Variants in TXNDC12 observed in about 807,000 individuals in gnomAD.
TXNDC12 encodes the protein thioredoxin domain containing 12.
In TXNDC12, 22 loss-of-function variants were observed where a neutral mutation model predicts 24.2. The observed-to-expected ratio is 0.91, with a 90% CI of 0.65 to 1.30. The LOEUF is 1.30. Ranked by LOEUF, TXNDC12 falls within the 50% of genes most tolerant of loss-of-function variation. The probability of loss-of-function intolerance (pLI) is 0.00; values close to 1 mark genes in which losing one functional copy is unlikely to be tolerated. For synonymous variants in TXNDC12, 58 were observed against 73.4 expected (o/e 0.79, Z 1.07); for missense variants, 184 against 205.8 (o/e 0.89, Z 0.65).
chr1:52,055,150 G>C lies in TXNDC12; in HGVS notation c.-54C>G. ...GAGCGGACGCAGGGCCGGAGTCCCA[G>C]CAGACGGTCCACACAGTTCGCCGAG... On this transcript the variant is annotated 5_prime_UTR_variant, in exon 1 of 7. Transcript: ENST00000371626. 7.7e-7 allele frequency: 1 copy of C among 1,292,912 alleles called. No individual in the cohort carries two copies. The highest frequency in any genetic ancestry group is 1.1e-6 in the Non-Finnish European group (1 of 889,706). 80.1% of individuals were successfully genotyped at this position (1,292,912 alleles called of 1,614,324 possible). A position where few individuals can be genotyped will look rare whatever the true frequency, so the allele number is the denominator to read the frequency against.
intron 1 of TXNDC12, among the ~76,000 whole-genome samples, chr1:52,045,207 T>C (rs1475295151): frequency 2.0e-5 from 3 of 152,058 alleles, no homozygotes; most frequent in Non-Finnish European, 1.5e-5. Context: ...AAAAGCAAAA[T>C]TATGGAGATA....
chr1:52,030,653 C>G (rs1685738013), intron 2 of TXNDC12: 1 of 152,206 alleles, frequency 6.6e-6, no homozygotes, highest in Admixed American at 6.5e-5. Flanking sequence ...TCCATAGTTT[C>G]AGAGCATGCA....
At chr1:52,028,143 A>G (rs1357145982) in intron 3 of TXNDC12, among the ~76,000 whole-genome samples, 1 of 150,680 alleles carries the variant, frequency 6.6e-6, no homozygotes. Context: ...TATTTTTTAC[A>G]CTCCTTTTCC....
intron 1 of TXNDC12, among the ~76,000 whole-genome samples, chr1:52,046,866 A>ATATATATATATAT (rs1553236788): frequency 9.9e-5 from 3 of 30,172 alleles, no homozygotes; most frequent in African/African-American, 1.6e-4. Context: ...AAAAAAAAAA[A>ATATATATATATAT]ATATATATAT....
intron 2 of TXNDC12, among the ~76,000 whole-genome samples, chr1:52,030,915 A>G (rs935209410): frequency 6.6e-6 from 1 of 152,244 alleles, no homozygotes; most frequent in African/African-American, 2.4e-5. Flanking sequence ...ATTAAAATAC[A>G]TTCATGCTTA....
At chr1:52,048,441 G>A (rs538973149) in intron 1 of TXNDC12, among the ~76,000 whole-genome samples, 15 of 150,786 alleles carry the variant, frequency 9.9e-5, no homozygotes, top group East Asian at 1.9e-4. Context: ...ACTCTAGCTC[G>A]GGCAACAGAG....
intron 2 of TXNDC12, among the ~76,000 whole-genome samples, chr1:52,039,419 C>T (rs1685945891): frequency 6.6e-6 from 1 of 151,992 alleles, no homozygotes; most frequent in African/African-American, 2.4e-5. Context: ...ACTCCGTCTC[C>T]CAGGTTCAAG....
At chr1:52,029,544 C>G (rs1685721888) in intron 2 of TXNDC12, among the ~76,000 whole-genome samples, 1 of 152,182 alleles carries the variant, frequency 6.6e-6, no homozygotes, top group Non-Finnish European at 1.5e-5. Context: ...AACCCCATGT[C>G]ACCATAACAA....
intron 1 of TXNDC12, among the ~76,000 whole-genome samples, chr1:52,051,163 T>C (rs900089149): frequency 6.6e-6 from 1 of 152,218 alleles, no homozygotes. Context: ...AAATGTACAG[T>C]AAATATTGGT....
chr1:52,031,423 G>A (rs948012300), intron 2 of TXNDC12, among the ~76,000 whole-genome samples: 2 of 152,082 alleles, frequency 1.3e-5, no homozygotes, highest in Admixed American at 6.6e-5. Context: ...CTCCTGAAGT[G>A]CTGGGGTTAC....
intron 6 of TXNDC12, among the ~76,000 whole-genome samples, chr1:52,021,765 GTCTATGAA>G (rs1434565848): frequency 1.3e-5 from 2 of 152,158 alleles, no homozygotes; most frequent in Admixed American, 1.3e-4. Flanking sequence ...TTGAGCCAGA[GTCTATGAA>G]TCTTGCAAAG....
At chr1:52,050,179 G>A (rs1572012402) in intron 1 of TXNDC12, among the ~76,000 whole-genome samples, 1 of 152,092 alleles carries the variant, frequency 6.6e-6, no homozygotes, top group South Asian at 2.1e-4. Context: ...AAAGCAGAAT[G>A]GGAACACCAA....
chr1:52,038,368 G>A (rs1685923037), intron 2 of TXNDC12, among the ~76,000 whole-genome samples: 1 of 150,966 alleles, frequency 6.6e-6, no homozygotes, highest in Non-Finnish European at 1.5e-5. Context: ...CTGGAGTGCA[G>A]TGGGGGGATC....
intron 1 of TXNDC12, among the ~76,000 whole-genome samples, chr1:52,042,987 T>C (rs1485061034): frequency 1.3e-5 from 2 of 152,170 alleles, no homozygotes; most frequent in South Asian, 2.1e-4. Context: ...CTCGAACTCC[T>C]GAGCTCAGGT....
chr1:52,036,448 A>G (rs1685884494), intron 2 of TXNDC12, among the ~76,000 whole-genome samples: 1 of 152,186 alleles, frequency 6.6e-6, no homozygotes, highest in Admixed American at 6.5e-5. Context: ...TAGGCTGAGG[A>G]GGAGGAGGAA....
chr1:52,033,417 C>A (rs1490439117), intron 2 of TXNDC12: 1 of 1,451,218 alleles, frequency 6.9e-7, no homozygotes, highest in Non-Finnish European at 9.4e-7. Flanking sequence ...CCTGAGGTCC[C>A]GCGATCGGGC....
chr1:52,041,485 A>G, intron 2 of TXNDC12, 52 bp downstream of exon 2: 7 of 1,317,762 alleles, frequency 5.3e-6, no homozygotes, highest in Non-Finnish European at 7.6e-6. Flanking sequence ...CGTTAAGTTG[A>G]TAGCTGAAAA....
At chr1:52,054,658 C>A (rs1038892301) in intron 1 of TXNDC12, among the ~76,000 whole-genome samples, 3 of 152,130 alleles carry the variant, frequency 2.0e-5, no homozygotes, top group Non-Finnish European at 2.9e-5. Flanking sequence ...AGGTCCCCAA[C>A]GGCTCTATTT....
chr1:52,048,868 A>G (rs1388334202), intron 1 of TXNDC12, among the ~76,000 whole-genome samples: 2 of 148,562 alleles, frequency 1.3e-5, no homozygotes, highest in African/African-American at 4.9e-5. Flanking sequence ...AAAAAATAAT[A>G]ATTAATTAAT....
Sources: gnomAD v4.1 joint callset for allele counts (sites outside exome capture counted in the v4.1 genomes callset) on GRCh38, gnomAD v4.1.1 for gene constraint, MANE v1.5 for transcripts, NCBI Gene and HGNC (gene_info 2026-07-23, HGNC 2026-07-21) for gene names.